The following MARCHF1 variants were observed in gnomAD, a reference collection of about 807,000 sequenced individuals.
MARCHF1 encodes the protein E3 ubiquitin-protein ligase MARCHF1.
In MARCHF1, 40 loss-of-function variants were observed where a neutral mutation model predicts 54.2. The observed-to-expected ratio is 0.74, with a 90% CI of 0.57 to 0.96. The LOEUF is 0.96. Among genes scored for constraint, MARCHF1 ranks in the 40% least tolerant of loss-of-function variants. MARCHF1 has a pLI of 0.00. For missense variants in MARCHF1, 586 were observed against 656.5 expected, an observed-to-expected ratio of 0.89 and a Z score of 1.17; for synonymous variants, 236 against 236.3, an observed-to-expected ratio of 1.00 and a Z score of 0.01.
At chr4:163,988,355 T>C (rs1420254648) in intron 3 of MARCHF1, 146 bp downstream of exon 3, 1 of 152,290 alleles carries the variant, frequency 6.6e-6, no homozygotes, top group Non-Finnish European at 1.5e-5. Context: ...CTGCCAGTTA[T>C]AAGTAATTCT....
chr4:163,794,665 T>A (rs1305812143), intron 4 of MARCHF1, among the ~76,000 whole-genome samples: 1 of 152,164 alleles, frequency 6.6e-6, no homozygotes. Context: ...ATGTATTACA[T>A]CTTATGTTAA....
intron 4 of MARCHF1, among the ~76,000 whole-genome samples, chr4:163,831,193 G>A (rs1231659915): frequency 1.3e-5 from 2 of 152,160 alleles, no homozygotes; most frequent in Non-Finnish European, 2.9e-5. Context: ...AAAGGGAGTG[G>A]GGGCTAGATG....
chr4:164,021,188 T>C lies in MARCHF1; in HGVS notation c.-247-32479A>G, dbSNP rs534284028. On this transcript the variant is annotated intron_variant, in intron 2 of 9. Coordinates refer to ENST00000514618, the MANE Select transcript of MARCHF1 (RefSeq NM_001394959.1). ...AAGCCAGGTAAATTGAGGCAGGTTG[T>C]TAGAGACAGATAATTTATTTCCTGG... Among the ~76,000 whole-genome samples the C allele has an allele frequency of 7.9e-5, 12 of 152,114 alleles. No homozygotes were observed. In the East Asian group the frequency reaches 1.9e-3, roughly 25 times the overall value.
chr4:164,110,043 A>C (rs1755801395), intron 2 of MARCHF1, among the ~76,000 whole-genome samples: 1 of 151,494 alleles, frequency 6.6e-6, no homozygotes. Context: ...ATTCAACAGA[A>C]GTTTCCTATT....
At chr4:164,007,175 T>C (rs2110932042) in intron 2 of MARCHF1, among the ~76,000 whole-genome samples, 1 of 149,134 alleles carries the variant, frequency 6.7e-6, no homozygotes, top group South Asian at 2.1e-4. Flanking sequence ...TAAAACCCTG[T>C]CTCTACTAAA....
intron 1 of MARCHF1, among the ~76,000 whole-genome samples, chr4:164,141,627 G>A (rs540544394): frequency 6.1e-4 from 93 of 152,272 alleles, no homozygotes; most frequent in African/African-American, 1.5e-3. Context: ...TTCACCTGGC[G>A]GTGCGCAAGC....
At chr4:163,772,413 G>A (rs1747188024) in intron 4 of MARCHF1, among the ~76,000 whole-genome samples, 1 of 152,168 alleles carries the variant, frequency 6.6e-6, no homozygotes, top group African/African-American at 2.4e-5. Context: ...GCGTGACTGG[G>A]TTTCTGCCTA....
intron 3 of MARCHF1, among the ~76,000 whole-genome samples, chr4:163,899,676 T>C (rs927891260): frequency 2.6e-5 from 4 of 151,992 alleles, no homozygotes; most frequent in Non-Finnish European, 5.9e-5. Flanking sequence ...GATCTATATT[T>C]ACTATTGTAT....
intron 5 of MARCHF1, among the ~76,000 whole-genome samples, chr4:163,637,803 T>C (rs1054022045): frequency 2.0e-5 from 3 of 152,062 alleles, no homozygotes; most frequent in Admixed American, 6.6e-5. Context: ...CGTATGTTTA[T>C]TGCAGTACTA....
intron 1 of MARCHF1, among the ~76,000 whole-genome samples, chr4:164,229,722 T>C (rs893099536): frequency 6.6e-6 from 1 of 152,130 alleles, no homozygotes; most frequent in African/African-American, 2.4e-5. Flanking sequence ...CATAAAATCA[T>C]GGCAGAAGGC....
chr4:164,212,354 C>A (rs1444099047), intron 1 of MARCHF1, among the ~76,000 whole-genome samples: 3 of 152,114 alleles, frequency 2.0e-5, no homozygotes, highest in African/African-American at 7.2e-5. Flanking sequence ...TGCAATCATC[C>A]AGCCAGTAAG....
chr4:164,368,234 T>A (rs1319473588), intron 1 of MARCHF1, among the ~76,000 whole-genome samples: 1 of 151,180 alleles, frequency 6.6e-6, no homozygotes, highest in Non-Finnish European at 1.5e-5. Context: ...TAATATCATA[T>A]AATTCTAGAT....
intron 4 of MARCHF1, among the ~76,000 whole-genome samples, chr4:163,814,002 G>A (rs1184923641): frequency 6.6e-6 from 1 of 152,122 alleles, no homozygotes; most frequent in Non-Finnish European, 1.5e-5. Flanking sequence ...CAGGGCTCAG[G>A]TCATAAAACC....
chr4:164,312,356 T>C (rs906258775), intron 1 of MARCHF1, among the ~76,000 whole-genome samples: 17 of 134,538 alleles, frequency 1.3e-4, no homozygotes, highest in Non-Finnish European at 2.5e-4. Flanking sequence ...GCAGTCTGGC[T>C]CTATCGCCCA....
intron 1 of MARCHF1, among the ~76,000 whole-genome samples, chr4:164,181,097 C>T (rs1353230355): frequency 1.3e-5 from 2 of 152,104 alleles, no homozygotes; most frequent in Non-Finnish European, 2.9e-5. Flanking sequence ...TTGCAAGCTC[C>T]CACAGTGTGG....
chr4:164,148,156 C>G (rs947840115), intron 1 of MARCHF1, among the ~76,000 whole-genome samples: 3 of 151,618 alleles, frequency 2.0e-5, no homozygotes, highest in Non-Finnish European at 4.4e-5. Flanking sequence ...CACACACACA[C>G]ACACACACAC....
intron 2 of MARCHF1, among the ~76,000 whole-genome samples, chr4:164,085,072 T>G (rs970185363): frequency 2.1e-4 from 32 of 151,930 alleles, no homozygotes; most frequent in African/African-American, 7.5e-4. Flanking sequence ...TTAATAAGTT[T>G]TCTCTCCACT....
intron 2 of MARCHF1, among the ~76,000 whole-genome samples, chr4:164,040,040 G>A (rs1754091630): frequency 7.0e-6 from 1 of 142,064 alleles, no homozygotes; most frequent in African/African-American, 2.6e-5. Context: ...ATATATACAA[G>A]CATAATTTAT....
At chr4:163,581,886 CTTATT>C (rs1226472052) in intron 8 of MARCHF1, among the ~76,000 whole-genome samples, 10 of 152,152 alleles carry the variant, frequency 6.6e-5, no homozygotes, top group African/African-American at 1.2e-4. Context: ...TATTCATTAT[CTTATT>C]TTATTTGTAC....
Sources: allele counts gnomAD v4.1 joint callset (sites outside exome capture counted in the v4.1 genomes callset), GRCh38; gene constraint gnomAD v4.1.1; transcripts MANE v1.5; gene names NCBI Gene and HGNC (gene_info 2026-07-23, HGNC 2026-07-21).